EPHB1: variants seen among roughly 807,000 people sequenced by gnomAD.
EPHB1 encodes the protein EPH receptor B1, also known as ephrin type-B receptor 1.
In EPHB1, 30 loss-of-function variants were observed where a neutral mutation model predicts 94.4. The ratio of observed to expected loss-of-function variants is 0.32; its 90% CI spans 0.24 to 0.43. The LOEUF (loss-of-function observed/expected upper bound fraction) is 0.43. Among genes scored for constraint, EPHB1 ranks in the 20% least tolerant of loss-of-function variants. The pLI is 1.00. For missense variants in EPHB1, 1,055 were observed against 1,308.3 expected (o/e 0.81, Z 2.99); for synonymous variants, 522 against 489.1 (o/e 1.07, Z -0.89).
chr3:135,073,457 G>A (rs1479745329), intron 3 of EPHB1, among the ~76,000 whole-genome samples: 2 of 152,078 alleles, frequency 1.3e-5, no homozygotes, highest in Admixed American at 1.3e-4. Context: ...AGACCAATCT[G>A]GCTTTAACTA....
chr3:134,884,766 T>C (rs2037828793), intron 1 of EPHB1, among the ~76,000 whole-genome samples: 1 of 152,252 alleles, frequency 6.6e-6, no homozygotes, highest in African/African-American at 2.4e-5. Flanking sequence ...TCCTCTGTTA[T>C]GTGGATTGAG....
chr3:135,106,980 G>T (rs1939242933), intron 4 of EPHB1, among the ~76,000 whole-genome samples: 1 of 152,134 alleles, frequency 6.6e-6, no homozygotes, highest in Non-Finnish European at 1.5e-5. Context: ...CTATCTCTTT[G>T]CTGGGTTTCC....
At chr3:134,987,935 A>G (rs534236854) in intron 3 of EPHB1, among the ~76,000 whole-genome samples, 1 of 151,022 alleles carries the variant, frequency 6.6e-6, no homozygotes, top group Admixed American at 6.5e-5. Flanking sequence ...TAAGCTACCC[A>G]GACTGGTATT....
intron 1 of EPHB1, among the ~76,000 whole-genome samples, chr3:134,906,246 A>T (rs2038325638): frequency 6.6e-6 from 1 of 152,216 alleles, no homozygotes; most frequent in African/African-American, 2.4e-5. Flanking sequence ...GCCCGAGGGG[A>T]TAGCATCATA....
intron 13 of EPHB1, among the ~76,000 whole-genome samples, chr3:135,245,822 A>G (rs971740738): frequency 4.6e-5 from 7 of 151,304 alleles, no homozygotes; most frequent in Non-Finnish European, 1.0e-4. Flanking sequence ...AAAAAAAAAA[A>G]AAAAAAAGCC....
chr3:134,796,093 G>GTC lies in EPHB1; in HGVS notation c.58+406_58+407dup, dbSNP rs749921449. 3.7e-5 allele frequency: 10 copies of GTC among 269,512 alleles called. No homozygotes were observed. The East Asian group carries it at 9.0e-4, about 24-fold the overall frequency. The allele number at this position is 269,512 out of a possible 1,614,324, so 16.7% of individuals were successfully genotyped here. ...TCCGGCTCCTGGAGTACTGGCGCCC[G>GTC]TCTGCTCCCAGGCACGGATACGCTT... is the stretch of plus-strand genomic sequence containing the variant. On this transcript the variant is annotated intron_variant, in intron 1 of 15. Coordinates refer to ENST00000398015, the MANE Select transcript of EPHB1 (RefSeq NM_004441.5).
intron 3 of EPHB1, among the ~76,000 whole-genome samples, chr3:134,955,423 C>A (rs1406705910): frequency 1.2e-5 from 1 of 85,762 alleles, no homozygotes; most frequent in Non-Finnish European, 2.2e-5. Flanking sequence ...CATGTCCCTA[C>A]AAAGGACATG....
intron 3 of EPHB1, among the ~76,000 whole-genome samples, chr3:135,049,169 T>G (rs1388427096): frequency 6.6e-6 from 1 of 152,248 alleles, no homozygotes; most frequent in Non-Finnish European, 1.5e-5. Context: ...TGAGATTTTT[T>G]GCTGTCTTTA....
intron 4 of EPHB1, among the ~76,000 whole-genome samples, chr3:135,127,750 C>G (rs1940262315): frequency 6.6e-6 from 1 of 152,136 alleles, no homozygotes. Context: ...TCATCTGGCC[C>G]AAATCACATT....
intron 15 of EPHB1, among the ~76,000 whole-genome samples, chr3:135,254,982 T>A (rs370933237): frequency 1.2e-4 from 19 of 152,280 alleles, no homozygotes; most frequent in African/African-American, 2.6e-4. Context: ...CATTTCTTCT[T>A]GATTTTCTAG....
intron 9 of EPHB1, among the ~76,000 whole-genome samples, chr3:135,173,821 C>T (rs1389518653): frequency 6.6e-6 from 1 of 152,218 alleles, no homozygotes; most frequent in East Asian, 1.9e-4. Flanking sequence ...CATCCAACGT[C>T]TAAAACCACA....
chr3:135,082,793 T>C (rs753662782), intron 3 of EPHB1, among the ~76,000 whole-genome samples: 21 of 152,312 alleles, frequency 1.4e-4, no homozygotes, highest in Non-Finnish European at 1.6e-4. Context: ...GTCCCAAGCT[T>C]CCGCTTATTT....
chr3:135,055,803 TCTAGGGTG>T (rs1242251371), intron 3 of EPHB1, among the ~76,000 whole-genome samples: 1 of 152,192 alleles, frequency 6.6e-6, no homozygotes, highest in African/African-American at 2.4e-5. Flanking sequence ...TGCTGTCATT[TCTAGGGTG>T]AAGGCTGTCA....
intron 1 of EPHB1, among the ~76,000 whole-genome samples, chr3:134,873,019 C>T (rs1232291872): frequency 6.6e-6 from 1 of 152,192 alleles, no homozygotes; most frequent in Admixed American, 6.5e-5. Flanking sequence ...AGCCACAATT[C>T]ACACAGTGAC....
chr3:134,967,389 A>G (rs548757311), intron 3 of EPHB1, among the ~76,000 whole-genome samples: 6 of 152,288 alleles, frequency 3.9e-5, no homozygotes, highest in South Asian at 2.1e-4. Flanking sequence ...TTGGTCCTCA[A>G]TGCAGCAGTG....
chr3:135,216,665 G>A (rs1047895876), intron 12 of EPHB1, among the ~76,000 whole-genome samples: 2 of 145,594 alleles, frequency 1.4e-5, no homozygotes, highest in Non-Finnish European at 3.0e-5. Context: ...AGAGGTTGCA[G>A]TGAGCCGAGA....
intron 1 of EPHB1, among the ~76,000 whole-genome samples, chr3:134,844,594 A>G (rs558577582): frequency 6.6e-6 from 1 of 152,308 alleles, no homozygotes; most frequent in South Asian, 2.1e-4. Flanking sequence ...CACAGCTTTG[A>G]TGATCTTCAT....
At chr3:135,097,168 GTTTTTTTTTT>G (rs145129220) in intron 3 of EPHB1, among the ~76,000 whole-genome samples, 1 of 104,562 alleles carries the variant, frequency 9.6e-6, no homozygotes, top group African/African-American at 3.6e-5. Context: ...TTTTTTCTTT[GTTTTTTTTTT>G]TTTTTTTTTG....
At chr3:134,821,392 A>G (rs140393616) in intron 1 of EPHB1, among the ~76,000 whole-genome samples, 51 of 152,304 alleles carry the variant, frequency 3.3e-4, no homozygotes, top group African/African-American at 1.2e-3. Context: ...GTTAAGGAAA[A>G]AATATTAGAA....
Sources: allele counts gnomAD v4.1 joint callset (sites outside exome capture counted in the v4.1 genomes callset), GRCh38; gene constraint gnomAD v4.1.1; transcripts MANE v1.5; gene names NCBI Gene and HGNC (gene_info 2026-07-23, HGNC 2026-07-21).